RAPGEF5: variants seen among roughly 807,000 people sequenced by gnomAD.
RAPGEF5 encodes the protein Rap guanine nucleotide exchange factor 5, also known as M-Ras-regulated GEF.
Under a neutral mutation model 125.2 loss-of-function variants are expected in RAPGEF5, and 65 were observed. The observed-to-expected ratio is 0.52, with a 90% CI of 0.43 to 0.64. The LOEUF is 0.64. RAPGEF5 is among the 30% of genes least tolerant of loss of function. The probability of loss-of-function intolerance (pLI) is 0.00; values close to 1 mark genes in which losing one functional copy is unlikely to be tolerated. For missense variants in RAPGEF5, 958 were observed against 1,048.1 expected, an observed-to-expected ratio of 0.91 and a Z score of 1.19; for synonymous variants, 391 against 385.9, an observed-to-expected ratio of 1.01 and a Z score of -0.16.
chr7:22,162,271 G>A, intron 13 of RAPGEF5, 126 bp downstream of exon 13: 1 of 1,007,912 alleles, frequency 9.9e-7, no homozygotes, highest in East Asian at 2.5e-5. Context: ...AATATTCTCT[G>A]AATCACAACT....
intron 1 of RAPGEF5, among the ~76,000 whole-genome samples, chr7:22,353,985 C>T (rs968725033): frequency 1.1e-4 from 16 of 152,176 alleles, no homozygotes; most frequent in South Asian, 4.1e-4. Context: ...GTGGGAGGAC[C>T]GCTTGAGCCA....
intron 6 of RAPGEF5, among the ~76,000 whole-genome samples, chr7:22,279,590 A>T (rs1782630143): frequency 6.6e-6 from 1 of 152,144 alleles, no homozygotes; most frequent in Admixed American, 6.5e-5. Context: ...GTGCACCCCC[A>T]CAGATTCCAT....
Position 22,162,483 on chromosome 7 carries a change from GT to G in RAPGEF5, c.1341del (p.Lys447AsnfsTer29), listed in dbSNP as rs1394406906. ...TGGGAAACAAGATGCAAGACTTTAC[GT>G]TTCCTACGCGGAACGTCTGAGTTTT... ...KEENSDVPRR[K>X]RKVLHLVSQW... On this transcript the variant is annotated frameshift_variant, in exon 13 of 26. Coordinates refer to ENST00000665637, the MANE Select transcript of RAPGEF5 (RefSeq NM_012294.5). LOFTEE classifies it high-confidence loss of function. 1.9e-6 allele frequency: 3 copies of G among 1,606,842 alleles called. No homozygotes were observed. Among genetic ancestry groups the G allele is most frequent in the Non-Finnish European group, 2.6e-6 (3 of 1,173,632 alleles).
At chr7:22,296,135 G>A (rs904955593) in intron 5 of RAPGEF5, among the ~76,000 whole-genome samples, 2 of 152,152 alleles carry the variant, frequency 1.3e-5, no homozygotes, top group African/African-American at 4.8e-5. Context: ...ATGACTGGGT[G>A]AGGGCACATC....
chr7:22,193,899 G>A lies in RAPGEF5; in HGVS notation c.1115+16C>T. 1 of 1,612,990 alleles carries A rather than the reference G, an allele frequency of 6.2e-7. No individual in the cohort carries two copies. ...AACGGGAGCGCGTGCCTCTGTGGCT[G>A]CAGGGAAACTCTCACCTCCAATGGC... On this transcript the variant is annotated intron_variant, in intron 10 of 25. Coordinates refer to ENST00000665637, the MANE Select transcript of RAPGEF5 (RefSeq NM_012294.5).
intron 1 of RAPGEF5, among the ~76,000 whole-genome samples, chr7:22,339,079 A>G (rs970512964): frequency 6.6e-6 from 1 of 152,188 alleles, no homozygotes; most frequent in Non-Finnish European, 1.5e-5. Flanking sequence ...TAACTGGTGT[A>G]TGACCTTATG....
intron 8 of RAPGEF5, among the ~76,000 whole-genome samples, chr7:22,226,120 C>A (rs1050746668): frequency 6.6e-6 from 1 of 152,128 alleles, no homozygotes; most frequent in African/African-American, 2.4e-5. Context: ...TTCTAAAACA[C>A]CTAGGTAAAA....
intron 12 of RAPGEF5, among the ~76,000 whole-genome samples, chr7:22,164,749 G>C (rs1366976855): frequency 2.0e-5 from 3 of 152,102 alleles, no homozygotes; most frequent in Non-Finnish European, 4.4e-5. Flanking sequence ...GGAAATAATG[G>C]GAAGGCATGT....
chr7:22,276,561 T>G (rs1282997443), intron 6 of RAPGEF5, among the ~76,000 whole-genome samples: 1 of 152,214 alleles, frequency 6.6e-6, no homozygotes, highest in African/African-American at 2.4e-5. Flanking sequence ...TTACAAAGAC[T>G]GATATTGGGA....
chr7:22,353,569 T>C (rs183943964), intron 1 of RAPGEF5, among the ~76,000 whole-genome samples: 10 of 152,296 alleles, frequency 6.6e-5, no homozygotes, highest in Admixed American at 3.3e-4. Context: ...TGCTAATAAC[T>C]GTTGAAGCAC....
chr7:22,177,391 C>T (rs1784541549), intron 11 of RAPGEF5, among the ~76,000 whole-genome samples: 1 of 152,198 alleles, frequency 6.6e-6, no homozygotes, highest in Non-Finnish European at 1.5e-5. Context: ...TATTCCTACT[C>T]AAACTTTATT....
chr7:22,176,314 T>C (rs1784507141), intron 11 of RAPGEF5, among the ~76,000 whole-genome samples: 1 of 152,036 alleles, frequency 6.6e-6, no homozygotes, highest in African/African-American at 2.4e-5. Flanking sequence ...GAGATTTGGG[T>C]GAGGACACAG....
chr7:22,311,035 A>T (rs1279113516), intron 3 of RAPGEF5, among the ~76,000 whole-genome samples: 2 of 151,928 alleles, frequency 1.3e-5, no homozygotes, highest in Non-Finnish European at 2.9e-5. Context: ...ATGAAAAAAA[A>T]TTTTTTTTGA....
At chr7:22,251,775 C>CAAAAAAAAAAAAAAAA (rs58681076) in intron 7 of RAPGEF5, among the ~76,000 whole-genome samples, 1 of 73,350 alleles carries the variant, frequency 1.4e-5, no homozygotes, top group African/African-American at 5.2e-5. Flanking sequence ...GTTTCATTGA[C>CAAAAAAAAAAAAAAAA]AAAAAAAAAA....
At chr7:22,309,543 T>C (rs557146686) in intron 4 of RAPGEF5, among the ~76,000 whole-genome samples, 3 of 152,226 alleles carry the variant, frequency 2.0e-5, no homozygotes, top group Non-Finnish European at 4.4e-5. Context: ...TCATAGGTCA[T>C]ATATCAAAGT....
chr7:22,339,606 G>A (rs1312635854), intron 1 of RAPGEF5, among the ~76,000 whole-genome samples: 3 of 152,288 alleles, frequency 2.0e-5, no homozygotes, highest in Non-Finnish European at 2.9e-5. Flanking sequence ...TGCATCAAAC[G>A]GCAGTCTGGG....
intron 6 of RAPGEF5, among the ~76,000 whole-genome samples, chr7:22,282,416 A>T (rs1782693887): frequency 6.6e-6 from 1 of 152,236 alleles, no homozygotes; most frequent in African/African-American, 2.4e-5. Flanking sequence ...TTCCATGGGC[A>T]TCATTTCATA....
chr7:22,305,199 G>A (rs924023994), intron 5 of RAPGEF5, among the ~76,000 whole-genome samples: 4 of 152,130 alleles, frequency 2.6e-5, no homozygotes, highest in African/African-American at 4.8e-5. Context: ...ATTTAATAGA[G>A]ATAATAATAG....
At chr7:22,242,492 C>G (rs1786356034) in intron 7 of RAPGEF5, among the ~76,000 whole-genome samples, 1 of 152,110 alleles carries the variant, frequency 6.6e-6, no homozygotes, top group Non-Finnish European at 1.5e-5. Context: ...CCTGACCCAG[C>G]TGAGAAGGGC....
Sources: gnomAD v4.1 joint callset for allele counts (sites outside exome capture counted in the v4.1 genomes callset) on GRCh38, gnomAD v4.1.1 for gene constraint, MANE v1.5 for transcripts, NCBI Gene and HGNC (gene_info 2026-07-23, HGNC 2026-07-21) for gene names.